ANKS1B: variants seen among roughly 807,000 people sequenced by gnomAD.
ANKS1B encodes the protein ankyrin repeat and sterile alpha motif domain containing 1B, also known as ankyrin repeat and sterile alpha motif domain-containing protein 1B.
ANKS1B carries 36 observed loss-of-function variants against 148.3 expected under a neutral mutation model. The observed-to-expected ratio is 0.24, with a 90% CI of 0.19 to 0.32. The LOEUF is 0.32. ANKS1B is among the 10% of genes least tolerant of loss of function. The pLI is 1.00. For synonymous variants in ANKS1B, 542 were observed against 560.8 expected, an observed-to-expected ratio of 0.97 and a Z score of 0.47; for missense variants, 1,157 against 1,542.6, an observed-to-expected ratio of 0.75 and a Z score of 4.19.
At chr12:99,418,820 C>T (rs2094990419) in intron 11 of ANKS1B, among the ~76,000 whole-genome samples, 1 of 152,016 alleles carries the variant, frequency 6.6e-6, no homozygotes, top group Non-Finnish European at 1.5e-5. Context: ...GAAAATTCCC[C>T]TCAATTTCTA....
intron 8 of ANKS1B, among the ~76,000 whole-genome samples, chr12:99,718,954 ACG>A (rs150905930): frequency 0.19 from 29,279 of 151,940 alleles, 3,130 homozygotes; most frequent in Middle Eastern, 0.24. Context: ...AAAAACACAC[ACG>A]TGCTCTCCCT....
intron 9 of ANKS1B, among the ~76,000 whole-genome samples, chr12:99,589,308 ATC>A (rs1428686586): frequency 2.0e-5 from 3 of 152,212 alleles, no homozygotes; most frequent in African/African-American, 7.2e-5. Flanking sequence ...AGACAGGTTT[ATC>A]TCTCTTTTCC....
chr12:99,158,080 A>G (rs1215768247), intron 14 of ANKS1B, among the ~76,000 whole-genome samples: 2 of 152,152 alleles, frequency 1.3e-5, no homozygotes, highest in Non-Finnish European at 2.9e-5. Context: ...AGAGGGAAGA[A>G]GGAAAAAAAA....
At chr12:99,797,529 T>C (rs1438210887) in intron 4 of ANKS1B, among the ~76,000 whole-genome samples, 1 of 151,914 alleles carries the variant, frequency 6.6e-6, no homozygotes, top group Admixed American at 6.6e-5. Flanking sequence ...AATTCTCCAT[T>C]TTATTTAAAT....
intron 10 of ANKS1B, among the ~76,000 whole-genome samples, chr12:99,470,114 CTAATAA>C (rs369653175): frequency 1.4e-4 from 20 of 148,090 alleles, no homozygotes; most frequent in East Asian, 1.2e-3. Context: ...GACTCTGTCT[CTAATAA>C]TAATAATAAT....
At chr12:98,914,208 C>G (rs1596789335) in intron 17 of ANKS1B, among the ~76,000 whole-genome samples, 1 of 150,290 alleles carries the variant, frequency 6.7e-6, no homozygotes, top group East Asian at 1.9e-4. Flanking sequence ...TACCTCCCCA[C>G]TCTCTCTTGA....
At chr12:99,072,403 T>C (rs1332211651) in intron 16 of ANKS1B, among the ~76,000 whole-genome samples, 1 of 152,164 alleles carries the variant, frequency 6.6e-6, no homozygotes, top group Non-Finnish European at 1.5e-5. Context: ...GTTCCACTAT[T>C]ATCTATTGTT....
rs374353577 is a variant in ANKS1B at position 99,504,461 on chromosome 12, A to G, written c.1438+15T>C. On this transcript the variant is annotated intron_variant, in intron 10 of 26. Coordinates refer to ENST00000683438, the MANE Select transcript of ANKS1B (RefSeq NM_001352186.2). ...AGTAAATTGAATCAGGCCAATTGTG[A>G]GTAAGAGATATTACCAGTTCTTGGG... The G allele has an allele frequency of 1.4e-5, 22 of 1,608,492 alleles. No homozygotes were observed. Among genetic ancestry groups the G allele is most frequent in the Non-Finnish European group, 1.9e-5 (22 of 1,178,336 alleles).
chr12:99,441,902 G>A (rs1010326402), intron 11 of ANKS1B, among the ~76,000 whole-genome samples: 3 of 151,868 alleles, frequency 2.0e-5, no homozygotes, highest in African/African-American at 7.2e-5. Context: ...TCAGATCATG[G>A]ATCTATAGAA....
intron 9 of ANKS1B, among the ~76,000 whole-genome samples, chr12:99,618,264 C>T (rs1290834465): frequency 6.6e-6 from 1 of 152,102 alleles, no homozygotes; most frequent in African/African-American, 2.4e-5. Flanking sequence ...TGTATAAGGA[C>T]AAAACACTGC....
chr12:99,238,089 C>CA (rs2088385403), intron 14 of ANKS1B, among the ~76,000 whole-genome samples: 1 of 152,210 alleles, frequency 6.6e-6, no homozygotes. Context: ...TGAAGCAGGG[C>CA]GGGGTGTTGC....
intron 8 of ANKS1B, among the ~76,000 whole-genome samples, chr12:99,748,077 T>C (rs2060767517): frequency 6.6e-6 from 1 of 152,164 alleles, no homozygotes; most frequent in South Asian, 2.1e-4. Flanking sequence ...GTTATTATGA[T>C]TGCGACTAGC....
chr12:99,388,414 T>C (rs901943293), intron 12 of ANKS1B, among the ~76,000 whole-genome samples: 3 of 152,170 alleles, frequency 2.0e-5, no homozygotes. Flanking sequence ...GTGACAGTTT[T>C]AAAATCCTTC....
chr12:99,777,642 T>A (rs1160518506), intron 6 of ANKS1B, among the ~76,000 whole-genome samples: 1 of 152,128 alleles, frequency 6.6e-6, no homozygotes, highest in Non-Finnish European at 1.5e-5. Context: ...TGGAGTGCAG[T>A]GGCGCGATCT....
intron 9 of ANKS1B, among the ~76,000 whole-genome samples, chr12:99,604,617 C>G (rs1348600085): frequency 6.6e-6 from 1 of 151,666 alleles, no homozygotes; most frequent in African/African-American, 2.4e-5. Flanking sequence ...GGGTTTGAAG[C>G]CAGCCTGACC....
chr12:99,619,608 C>T (rs948341182), intron 9 of ANKS1B, among the ~76,000 whole-genome samples: 1 of 151,858 alleles, frequency 6.6e-6, no homozygotes, highest in Non-Finnish European at 1.5e-5. Flanking sequence ...ACCTGCTCAC[C>T]GAGATCAGCA....
chr12:99,961,158 G>A (rs1290954000), intron 1 of ANKS1B, among the ~76,000 whole-genome samples: 1 of 152,138 alleles, frequency 6.6e-6, no homozygotes, highest in Non-Finnish European at 1.5e-5. Context: ...GAACCCAGGA[G>A]GCAGAGGTTG....
intron 14 of ANKS1B, among the ~76,000 whole-genome samples, chr12:99,201,568 G>A (rs1197956745): frequency 2.0e-5 from 3 of 152,152 alleles, no homozygotes; most frequent in Non-Finnish European, 2.9e-5. Context: ...AGTTATTTTA[G>A]TGTAATGCCA....
intron 12 of ANKS1B, among the ~76,000 whole-genome samples, chr12:99,297,904 C>A (rs1414045032): frequency 6.6e-6 from 1 of 151,774 alleles, no homozygotes; most frequent in African/African-American, 2.4e-5. Context: ...GGCTTAGATA[C>A]CTTTTTTTTT....
Sources: allele counts gnomAD v4.1 joint callset (sites outside exome capture counted in the v4.1 genomes callset), GRCh38; gene constraint gnomAD v4.1.1; transcripts MANE v1.5; gene names NCBI Gene and HGNC (gene_info 2026-07-23, HGNC 2026-07-21).